NRXN1: variants seen among roughly 807,000 people sequenced by gnomAD.
The protein encoded by NRXN1 is neurexin 1, also known as neurexin-1.
In NRXN1, 39 loss-of-function variants were observed where a neutral mutation model predicts 150.9. The observed-to-expected ratio is 0.26, with a 90% CI of 0.20 to 0.34. The LOEUF (loss-of-function observed/expected upper bound fraction) is 0.34, where lower values mean the gene tolerates loss of function less well. Among genes scored for constraint, NRXN1 ranks in the 10% least tolerant of loss-of-function variants. The probability of loss-of-function intolerance (pLI) is 1.00; values close to 1 mark genes in which losing one functional copy is unlikely to be tolerated. For synonymous variants in NRXN1, 924 were observed against 757.0 expected (o/e 1.22, Z -3.62); for missense variants, 1,815 against 1,949.9 (o/e 0.93, Z 1.30).
At chr2:50,681,810 T>C (rs1436042295) in intron 5 of NRXN1, among the ~76,000 whole-genome samples, 1 of 152,184 alleles carries the variant, frequency 6.6e-6, no homozygotes, top group Non-Finnish European at 1.5e-5. Flanking sequence ...CAATAATGTT[T>C]ATACAAATTT....
At chr2:50,308,259 T>TC (rs1418677107) in intron 17 of NRXN1, among the ~76,000 whole-genome samples, 2 of 152,050 alleles carry the variant, frequency 1.3e-5, no homozygotes, top group African/African-American at 4.8e-5. Context: ...TCTCTCCATC[T>TC]CCCCCCACCT....
At chr2:50,847,200 A>C (rs1226756134) in intron 5 of NRXN1, among the ~76,000 whole-genome samples, 5 of 152,184 alleles carry the variant, frequency 3.3e-5, no homozygotes, top group Non-Finnish European at 7.3e-5. Flanking sequence ...AGGTCAGAGC[A>C]TGACCTTCCT....
chr2:50,420,400 C>A (rs1454713488), intron 17 of NRXN1, among the ~76,000 whole-genome samples: 3 of 149,006 alleles, frequency 2.0e-5, no homozygotes, highest in Non-Finnish European at 3.0e-5. Flanking sequence ...CATACATGTA[C>A]ACACACACAC....
At chr2:50,130,787 T>C (rs12465888) in intron 18 of NRXN1, among the ~76,000 whole-genome samples, 41,921 of 152,156 alleles carry the variant, frequency 0.28, 6,261 homozygotes, top group Admixed American at 0.41. Context: ...TCATTTATCA[T>C]CTGCTGAAGT....
intron 21 of NRXN1, among the ~76,000 whole-genome samples, chr2:49,992,497 T>C (rs890517065): frequency 1.3e-5 from 2 of 151,970 alleles, no homozygotes; most frequent in African/African-American, 4.8e-5. Context: ...GGGAAATTGC[T>C]TGAACTTGGG....
chr2:50,147,653 C>G (rs982539404), intron 18 of NRXN1, among the ~76,000 whole-genome samples: 1 of 151,634 alleles, frequency 6.6e-6, no homozygotes, highest in Non-Finnish European at 1.5e-5. Context: ...ATTATAAACA[C>G]CATTCTAGTG....
intron 21 of NRXN1, among the ~76,000 whole-genome samples, chr2:49,975,220 C>G (rs1237571849): frequency 6.6e-6 from 1 of 151,254 alleles, no homozygotes; most frequent in Non-Finnish European, 1.5e-5. Context: ...TTTTTTAAAG[C>G]TCAAAAGTAG....
At chr2:51,006,247 G>A (rs1014080597) in intron 2 of NRXN1, among the ~76,000 whole-genome samples, 2 of 151,772 alleles carry the variant, frequency 1.3e-5, no homozygotes, top group African/African-American at 4.8e-5. Context: ...CCTTTGTAGG[G>A]ACATGGATGA....
intron 5 of NRXN1, among the ~76,000 whole-genome samples, chr2:50,823,895 T>C (rs1180972570): frequency 6.6e-6 from 1 of 152,182 alleles, no homozygotes; most frequent in Non-Finnish European, 1.5e-5. Flanking sequence ...ATGTCAAATA[T>C]TTCTGGGACA....
At chr2:50,575,730 C>T (rs894749439) in intron 8 of NRXN1, among the ~76,000 whole-genome samples, 1 of 152,064 alleles carries the variant, frequency 6.6e-6, no homozygotes, top group African/African-American at 2.4e-5. Context: ...TTTTGCTTAC[C>T]ATTTTTCCCC....
At chr2:50,152,571 G>A (rs1392361056) in intron 18 of NRXN1, among the ~76,000 whole-genome samples, 1 of 151,804 alleles carries the variant, frequency 6.6e-6, no homozygotes, top group Non-Finnish European at 1.5e-5. Context: ...TCAAAGAACA[G>A]TTTTGCCAGA....
chr2:50,160,606 T>C (rs1194508825), intron 18 of NRXN1, among the ~76,000 whole-genome samples: 1 of 152,020 alleles, frequency 6.6e-6, no homozygotes, highest in Admixed American at 6.6e-5. Context: ...GAAAAATTTA[T>C]AATAAGAAAA....
At chr2:49,922,657 T>C (rs1045772117) in intron 22 of NRXN1, among the ~76,000 whole-genome samples, 14 of 152,188 alleles carry the variant, frequency 9.2e-5, no homozygotes, top group African/African-American at 3.1e-4. Flanking sequence ...CTCTAGAACA[T>C]AGGTCTAACT....
At chr2:50,349,190 T>C (rs999849203) in intron 17 of NRXN1, among the ~76,000 whole-genome samples, 3 of 152,192 alleles carry the variant, frequency 2.0e-5, no homozygotes, top group Non-Finnish European at 4.4e-5. Flanking sequence ...CAGTAGTATA[T>C]TGATTGAAAC....
At chr2:50,696,998 A>T (rs1692994492) in intron 5 of NRXN1, among the ~76,000 whole-genome samples, 1 of 152,140 alleles carries the variant, frequency 6.6e-6, no homozygotes, top group Non-Finnish European at 1.5e-5. Flanking sequence ...TTGAGAGCAT[A>T]TTACTTACTT....
chr2:50,337,154 C>A (rs1420911782), intron 17 of NRXN1, among the ~76,000 whole-genome samples: 1 of 147,288 alleles, frequency 6.8e-6, no homozygotes, highest in African/African-American at 2.5e-5. Flanking sequence ...GGCTTGATCT[C>A]GGCTCACTGC....
chr2:50,345,822 A>G (rs765092874), intron 17 of NRXN1, among the ~76,000 whole-genome samples: 5 of 152,218 alleles, frequency 3.3e-5, no homozygotes, highest in Non-Finnish European at 5.9e-5. Context: ...TAGCCCAGCC[A>G]GCATTGACTG....
chr2:50,401,189 T>C (rs79893854), intron 17 of NRXN1, among the ~76,000 whole-genome samples: 1 of 152,310 alleles, frequency 6.6e-6, no homozygotes, highest in East Asian at 1.9e-4. Flanking sequence ...TCATTCACAC[T>C]CAATGTGGGA....
intron 5 of NRXN1, among the ~76,000 whole-genome samples, chr2:50,735,042 C>G (rs1429190407): frequency 6.6e-6 from 1 of 152,146 alleles, no homozygotes; most frequent in Non-Finnish European, 1.5e-5. Flanking sequence ...TTAACTATCT[C>G]CACTTGGCTG....
Sources: allele counts gnomAD v4.1 joint callset (sites outside exome capture counted in the v4.1 genomes callset), GRCh38; gene constraint gnomAD v4.1.1; transcripts MANE v1.5; gene names NCBI Gene and HGNC (gene_info 2026-07-23, HGNC 2026-07-21).